Variants in B3GAT1 observed in about 807,000 individuals in gnomAD.
The protein encoded by B3GAT1 is beta-1,3-glucuronyltransferase 1.
In B3GAT1, 11 loss-of-function variants were observed where a neutral mutation model predicts 28.4. The ratio of observed to expected loss-of-function variants is 0.39; its 90% confidence interval spans 0.24 to 0.64. The LOEUF (loss-of-function observed/expected upper bound fraction) is 0.64. Ranked by LOEUF, B3GAT1 falls within the 30% of genes least tolerant of loss-of-function variation. The probability of loss-of-function intolerance (pLI) is 0.50; values close to 1 mark genes in which losing one functional copy is unlikely to be tolerated. For missense variants in B3GAT1, 375 were observed against 491.0 expected (o/e 0.76, Z 2.23); for synonymous variants, 255 against 223.1 (o/e 1.14, Z -1.27).
At position 134,383,689 on chromosome 11, in the gene B3GAT1, G is replaced by C; in HGVS notation, c.612C>G (p.Leu204=). Residue 204 remains leucine (L), a synonymous_variant, in exon 3 of 6, where the codon CTC becomes CTG. Transcript: ENST00000312527. ...TCGGGCCCTCCCTCACCTCTTCGAAGAGCTCCAGGCTGTAGGTGTTGTCGT... is the reference window on the plus strand; with the variant it reads ...TCGGGCCCTCCCTCACCTCTTCGAACAGCTCCAGGCTGTAGGTGTTGTCGT... ...ADDDNTYSLE[L]FEEMRSTRRV... 6.4e-7 allele frequency: 1 copy of C among 1,571,878 alleles called. No homozygotes were observed. Among genetic ancestry groups the C allele is most frequent in the South Asian group, 1.2e-5 (1 of 86,708 alleles).
rs563089791 is a variant in B3GAT1, at chr11:134,381,911, G to A, written c.*14+13C>T. The A allele has an allele frequency of 6.7e-5, 108 of 1,607,894 alleles. 1 individual carries two copies. Among genetic ancestry groups the A allele is most frequent in the East Asian group, 6.5e-4 (29 of 44,822 alleles). On this transcript the variant is annotated intron_variant, in intron 5 of 5. Coordinates refer to ENST00000312527, the MANE Select transcript of B3GAT1 (RefSeq NM_054025.3). ...CCTGCCCAGTGTGTGGCCCACCCTC[G>A]TCATGCCCATACCTGCATCCTGAGG... is the stretch of plus-strand genomic sequence containing the variant.
Position 134,387,816 on chromosome 11 carries a change from G to A in B3GAT1, c.-157C>T. The A allele has an allele frequency of 1.3e-6, 2 of 1,534,700 alleles. No homozygotes were observed. Among genetic ancestry groups the A allele is most frequent in the Admixed American group, 2.0e-5 (1 of 50,900 alleles). On this transcript the variant is annotated 5_prime_UTR_variant, in exon 2 of 6. Transcript: ENST00000312527. ...GGACAGAGCAGCTGAATGTTGGCTA[G>A]CAGGTCTTACCAGCACTCACAACCC...
intron 1 of B3GAT1, among the ~76,000 whole-genome samples, chr11:134,404,676 C>T (rs1038285903): frequency 6.6e-5 from 10 of 152,190 alleles, no homozygotes; most frequent in African/African-American, 1.9e-4. Context: ...CCAGGTACGC[C>T]ACTCGGAAGA....
In B3GAT1 at chr11:134,380,390, C is replaced by T. The variant is rs1340367855; in HGVS notation, c.*372G>A. On this transcript the variant is annotated 3_prime_UTR_variant, in exon 6 of 6. Coordinates refer to ENST00000312527, the MANE Select transcript of B3GAT1 (RefSeq NM_054025.3). ...TTGACTGCGGGGTCTTCTTATCTCCCTCCCGCCCTGCATCACTGCAGGGCC... is the reference window on the plus strand; with the variant it reads ...TTGACTGCGGGGTCTTCTTATCTCCTTCCCGCCCTGCATCACTGCAGGGCC... The T allele has an allele frequency of 6.6e-6, 1 of 152,348 alleles. No individual in the cohort carries two copies. The highest frequency in any genetic ancestry group is 1.5e-5 in the Non-Finnish European group (1 of 68,074). 9.4% of individuals were successfully genotyped at this position (152,348 alleles called of 1,614,324 possible).
chr11:134,392,475 T>A (rs1236584745), intron 1 of B3GAT1: 2 of 152,166 alleles, frequency 1.3e-5, no homozygotes, highest in African/African-American at 4.8e-5. Context: ...ACTCAAGTGA[T>A]CCTCCTGCCT....
rs1020565101 is a variant in B3GAT1, at chr11:134,393,774, G to T, written c.-281-5834C>A. On this transcript the variant is annotated intron_variant, in intron 1 of 5. Transcript: ENST00000312527. The surrounding 1 kb of genome is among the most constrained non-coding windows in gnomAD (Gnocchi z 4.0). Reference sequence around the variant, plus strand: ...GAGGGAGCCCCAGGCATCACACGGCGCCGGTCAGTGTGCTGTGCGGACCGG... The same window carrying T: ...GAGGGAGCCCCAGGCATCACACGGCTCCGGTCAGTGTGCTGTGCGGACCGG... Among the ~76,000 whole-genome samples, 1 of 152,144 alleles carries T rather than the reference G, an allele frequency of 6.6e-6. No homozygotes were observed. Among genetic ancestry groups the T allele is most frequent in the Non-Finnish European group, 1.5e-5 (1 of 68,020 alleles).
chr11:134,384,209 C>G (rs1565449830), intron 2 of B3GAT1, 21 bp from the exon 3 acceptor site: 1 of 1,521,040 alleles, frequency 6.6e-7, no homozygotes, highest in South Asian at 1.2e-5. Context: ...GGGAGACCGG[C>G]GATGTGGGAG....
At chr11:134,403,463 C>A (rs543380839) in intron 1 of B3GAT1, among the ~76,000 whole-genome samples, 11 of 152,302 alleles carry the variant, frequency 7.2e-5, no homozygotes, top group African/African-American at 1.7e-4. Context: ...GGTGCCTGGG[C>A]AGCCCTGGAT....
At chr11:134,404,021 ATATATATATT>A (rs1467585565) in intron 1 of B3GAT1, among the ~76,000 whole-genome samples, 5 of 119,708 alleles carry the variant, frequency 4.2e-5, no homozygotes, top group African/African-American at 1.6e-4. Flanking sequence ...ATATATATAT[ATATATATATT>A]TATTATACGT....
intron 1 of B3GAT1, among the ~76,000 whole-genome samples, chr11:134,397,032 C>T (rs993253128): frequency 6.6e-6 from 1 of 152,208 alleles, no homozygotes; most frequent in Admixed American, 6.5e-5. Flanking sequence ...CCTCTGGAAG[C>T]AGCTCTCATC....
chr11:134,405,788 T>A lies in B3GAT1; in HGVS notation c.-282+6019A>T, dbSNP rs150758019. ...CCCCTCATCTGTGAAAAGAAGGGAG[T>A]AGCCCAGGGTTGCACAATCCAACTT... On this transcript the variant is annotated intron_variant, in intron 1 of 5. Coordinates refer to ENST00000312527, the MANE Select transcript of B3GAT1 (RefSeq NM_054025.3). Among the ~76,000 whole-genome samples the A allele has an allele frequency of 1.1e-4, 16 of 152,170 alleles. No individual in the cohort carries two copies. In the East Asian group the frequency reaches 3.1e-3, roughly 29 times the overall value.
At chr11:134,394,178 G>T (rs1339968900) in intron 1 of B3GAT1, among the ~76,000 whole-genome samples, 1 of 152,204 alleles carries the variant, frequency 6.6e-6, no homozygotes, top group African/African-American at 2.4e-5. Context: ...GACTGCAGAG[G>T]GCTGGGGAGG....
At chr11:134,383,034 C>T (rs1384943052) in intron 3 of B3GAT1, 28 bp from the exon 4 acceptor site, 12 of 1,514,100 alleles carry the variant, frequency 7.9e-6, no homozygotes, top group East Asian at 7.3e-5. Flanking sequence ...AGAGTCAGGG[C>T]GCCGGCACTG....
At chr11:134,408,084 G>A (rs11223787) in intron 1 of B3GAT1, among the ~76,000 whole-genome samples, 33,401 of 151,734 alleles carry the variant, frequency 0.22, 4,800 homozygotes, top group African/African-American at 0.41. Flanking sequence ...GAGCCAAGGC[G>A]GGCTCTGGGT....
rs891918336 is a variant in B3GAT1 at position 134,387,984 on chromosome 11, G to A, written c.-281-44C>T. ...GCGGATAGCCAGAGACCCAGGTATA[G>A]GAATGGATGCCAGCAAGGCTGGGCC... On this transcript the variant is annotated intron_variant, in intron 1 of 5. Coordinates refer to ENST00000312527, the MANE Select transcript of B3GAT1 (RefSeq NM_054025.3). The A allele has an allele frequency of 4.2e-5, 33 of 786,316 alleles. No homozygotes were observed. In the Admixed American group the frequency reaches 5.1e-4, roughly 12 times the overall value. 48.7% of individuals were successfully genotyped at this position (786,316 alleles called of 1,614,324 possible).
intron 1 of B3GAT1, among the ~76,000 whole-genome samples, chr11:134,396,660 T>C (rs1219568064): frequency 2.0e-5 from 3 of 151,990 alleles, no homozygotes. Context: ...TGCCACATAG[T>C]TGGGCCAATA....
intron 1 of B3GAT1, among the ~76,000 whole-genome samples, chr11:134,410,402 C>T (rs1944831020): frequency 6.6e-6 from 1 of 152,192 alleles, no homozygotes; most frequent in African/African-American, 2.4e-5. Flanking sequence ...CTCTCCCAGT[C>T]CCATTAACCT....
At chr11:134,381,674 T>A (rs1013994122) in intron 5 of B3GAT1, 7 of 465,914 alleles carry the variant, frequency 1.5e-5, no homozygotes, top group Non-Finnish European at 2.7e-5. Context: ...ATCAGCAAGA[T>A]GTTTGGAAGG....
At chr11:134,384,504 T>C in intron 2 of B3GAT1, 1 of 400,380 alleles carries the variant, frequency 2.5e-6, no homozygotes, top group East Asian at 3.8e-5. Context: ...GACTTTCCTA[T>C]GAAAAGGCGT....
Sources: allele counts gnomAD v4.1 joint callset (sites outside exome capture counted in the v4.1 genomes callset), GRCh38; gene constraint gnomAD v4.1.1; non-coding constraint Gnocchi (gnomAD v3.1); transcripts MANE v1.5; gene names NCBI Gene and HGNC (gene_info 2026-07-23, HGNC 2026-07-21).